The following BMP5 variants were observed in gnomAD, a reference collection of about 807,000 sequenced individuals.
BMP5 encodes the protein bone morphogenetic protein 5.
Under a neutral mutation model 46.6 loss-of-function variants are expected in BMP5, and 23 were observed. That is an observed-to-expected ratio of 0.49 (90% CI 0.35 to 0.70). The LOEUF (loss-of-function observed/expected upper bound fraction) is 0.70. BMP5 is among the 30% of genes least tolerant of loss of function. The probability of loss-of-function intolerance (pLI) is 0.00; values close to 1 mark genes in which losing one functional copy is unlikely to be tolerated. For synonymous variants in BMP5, 204 were observed against 191.9 expected (o/e 1.06, Z -0.52); for missense variants, 545 against 565.6 (o/e 0.96, Z 0.37).
chr6:55,865,568 T>A (rs540065287), intron 1 of BMP5, among the ~76,000 whole-genome samples: 2 of 152,152 alleles, frequency 1.3e-5, no homozygotes, highest in Non-Finnish European at 2.9e-5. Flanking sequence ...CTGTCCAGCT[T>A]GAAGAAAGAG....
intron 2 of BMP5, among the ~76,000 whole-genome samples, chr6:55,797,572 T>C (rs1427796666): frequency 6.6e-6 from 1 of 151,238 alleles, no homozygotes; most frequent in Non-Finnish European, 1.5e-5. Flanking sequence ...TGAATGTGCA[T>C]AAGCAAATAT....
At chr6:55,801,402 G>A (rs1775846502) in intron 2 of BMP5, among the ~76,000 whole-genome samples, 1 of 152,204 alleles carries the variant, frequency 6.6e-6, no homozygotes, top group African/African-American at 2.4e-5. Flanking sequence ...AAAGGACTTG[G>A]CGGCTAGAAA....
At chr6:55,776,612 G>C (rs1009301824) in intron 3 of BMP5, among the ~76,000 whole-genome samples, 2 of 151,688 alleles carry the variant, frequency 1.3e-5, no homozygotes, top group African/African-American at 4.8e-5. Context: ...AATTTAACAG[G>C]AGCTAAATTT....
chr6:55,807,714 AT>A (rs1180920403), intron 2 of BMP5, among the ~76,000 whole-genome samples: 1 of 152,022 alleles, frequency 6.6e-6, no homozygotes, highest in African/African-American at 2.4e-5. Flanking sequence ...TTGGTAGGCT[AT>A]TTATTACTGG....
At chr6:55,756,910 T>C (rs1041104154) in intron 6 of BMP5, among the ~76,000 whole-genome samples, 9 of 151,904 alleles carry the variant, frequency 5.9e-5, no homozygotes, top group African/African-American at 2.2e-4. Context: ...TCTCAATATA[T>C]TAGTCACAAA....
At chr6:55,842,908 A>G (rs1450195128) in intron 1 of BMP5, among the ~76,000 whole-genome samples, 1 of 152,122 alleles carries the variant, frequency 6.6e-6, no homozygotes, top group Non-Finnish European at 1.5e-5. Flanking sequence ...CTAAAATTAC[A>G]TATATCAACT....
intron 2 of BMP5, among the ~76,000 whole-genome samples, chr6:55,802,645 A>G (rs762726393): frequency 2.6e-5 from 4 of 152,048 alleles, no homozygotes; most frequent in Non-Finnish European, 5.9e-5. Flanking sequence ...CAACCATGTG[A>G]CTAGCTGCAG....
chr6:55,848,273 C>G (rs534248985), intron 1 of BMP5, among the ~76,000 whole-genome samples: 3 of 152,078 alleles, frequency 2.0e-5, no homozygotes, highest in Non-Finnish European at 4.4e-5. Flanking sequence ...CAACAGCTGT[C>G]ACTTTGGTAT....
At chr6:55,757,627 G>T (rs1445865897) in intron 6 of BMP5, among the ~76,000 whole-genome samples, 1 of 151,878 alleles carries the variant, frequency 6.6e-6, no homozygotes, top group Non-Finnish European at 1.5e-5. Flanking sequence ...GATAGCAAAG[G>T]TGAAGTCATA....
chr6:55,860,990 A>G (rs986438089), intron 1 of BMP5, among the ~76,000 whole-genome samples: 1 of 152,230 alleles, frequency 6.6e-6, no homozygotes, highest in African/African-American at 2.4e-5. Flanking sequence ...TATGGAAAGA[A>G]ACTCACTTTA....
intron 1 of BMP5, chr6:55,865,516 A>G: frequency 2.3e-6 from 1 of 429,232 alleles, no homozygotes; most frequent in Non-Finnish European, 4.6e-6. Context: ...ACATAGACTG[A>G]CCTTTTCCAA....
chr6:55,865,489 G>A (rs1203521030), intron 1 of BMP5: 4 of 465,364 alleles, frequency 8.6e-6, no homozygotes, highest in South Asian at 1.5e-5. Flanking sequence ...ACCACAGTCC[G>A]TCTCATGAAG....
chr6:55,797,599 T>C (rs923547442), intron 2 of BMP5, among the ~76,000 whole-genome samples: 5 of 150,882 alleles, frequency 3.3e-5, no homozygotes, highest in African/African-American at 1.2e-4. Context: ...ATGGTGTTTG[T>C]GATTATTTTC....
At chr6:55,826,313 C>T (rs1397954372) in intron 1 of BMP5, among the ~76,000 whole-genome samples, 2 of 151,700 alleles carry the variant, frequency 1.3e-5, no homozygotes, top group African/African-American at 4.8e-5. Context: ...TCCTCTTACT[C>T]ATAAATATTT....
Position 55,794,420 on chromosome 6 carries a change from C to A in BMP5, c.691G>T (p.Asp231Tyr). 6.2e-7 allele frequency: 1 copy of A among 1,613,876 alleles called. No individual in the cohort carries two copies. The highest frequency in any genetic ancestry group is 8.5e-7 in the Non-Finnish European group (1 of 1,179,876). ...TTTCTTGTGTCTAACAAGAACAGAT[C>A]TGCATCCCTAAAAAGAAAAGGAACA... ...IIKEYTNRDA[D>Y]LFLLDTRKAQ... Residue 231 changes from aspartate (D) to tyrosine (Y), a missense_variant, in exon 3 of 7, where the codon GAT (aspartate) becomes TAT (tyrosine). By Grantham distance (160) the Asp-to-Tyr change is radical. Coordinates refer to ENST00000370830, the MANE Select transcript of BMP5 (RefSeq NM_021073.4).
chr6:55,828,065 T>C (rs1280359012), intron 1 of BMP5, among the ~76,000 whole-genome samples: 1 of 151,888 alleles, frequency 6.6e-6, no homozygotes, highest in East Asian at 1.9e-4. Flanking sequence ...TTCTGCTCCA[T>C]CAGTAAAATA....
At chr6:55,868,411 T>C (rs993256934) in intron 1 of BMP5, among the ~76,000 whole-genome samples, 3 of 152,314 alleles carry the variant, frequency 2.0e-5, no homozygotes, top group Admixed American at 6.5e-5. Flanking sequence ...TTCAGAATTA[T>C]ACAAGGTTTT....
At chr6:55,839,044 G>A (rs1023738469) in intron 1 of BMP5, among the ~76,000 whole-genome samples, 30 of 152,064 alleles carry the variant, frequency 2.0e-4, no homozygotes, top group Non-Finnish European at 4.0e-4. Flanking sequence ...AAATGTTTTG[G>A]AGATTCATTC....
chr6:55,764,163 C>T (rs1562026025), intron 4 of BMP5, among the ~76,000 whole-genome samples: 1 of 152,122 alleles, frequency 6.6e-6, no homozygotes, highest in Non-Finnish European at 1.5e-5. Context: ...ATCTGCACTC[C>T]CATATTGATT....
Sources: gnomAD v4.1 joint callset for allele counts (sites outside exome capture counted in the v4.1 genomes callset) on GRCh38, gnomAD v4.1.1 for gene constraint, MANE v1.5 for transcripts, NCBI Gene and HGNC (gene_info 2026-07-23, HGNC 2026-07-21) for gene names.